The following PTPRT variants were observed in gnomAD, a reference collection of about 807,000 sequenced individuals.
The protein encoded by PTPRT is protein tyrosine phosphatase receptor type T.
In PTPRT, 56 loss-of-function variants were observed where a neutral mutation model predicts 176.8. The observed-to-expected ratio is 0.32, with a 90% CI of 0.26 to 0.40. The LOEUF (loss-of-function observed/expected upper bound fraction) is 0.40. PTPRT is among the 10% of genes least tolerant of loss of function. PTPRT has a pLI of 1.00. For missense variants in PTPRT, 1,540 were observed against 1,908.2 expected, an observed-to-expected ratio of 0.81 and a Z score of 3.60; for synonymous variants, 783 against 739.0, an observed-to-expected ratio of 1.06 and a Z score of -0.96.
chr20:42,750,835 A>C (rs1391962758), intron 6 of PTPRT, among the ~76,000 whole-genome samples: 1 of 152,194 alleles, frequency 6.6e-6, no homozygotes, highest in East Asian at 1.9e-4. Context: ...AAGCAAAGCA[A>C]ATGAATAAGC....
chr20:42,147,178 C>T (rs185399206), intron 17 of PTPRT, among the ~76,000 whole-genome samples: 300 of 152,320 alleles, frequency 2.0e-3, no homozygotes, highest in Non-Finnish European at 3.4e-3. Context: ...TGGCTCTATA[C>T]TTCAGATGTG....
At chr20:42,703,482 A>G (rs1416738066) in intron 6 of PTPRT, among the ~76,000 whole-genome samples, 5 of 152,224 alleles carry the variant, frequency 3.3e-5, no homozygotes, top group Admixed American at 6.5e-5. Context: ...TTGAACCCCA[A>G]CCTAAAAGTG....
chr20:42,902,671 T>G (rs1441247961), intron 1 of PTPRT, among the ~76,000 whole-genome samples: 1 of 152,194 alleles, frequency 6.6e-6, no homozygotes, highest in Non-Finnish European at 1.5e-5. Context: ...TCTTTAGGAT[T>G]CAAGACAAGA....
At chr20:43,120,947 C>G (rs1237908305) in intron 1 of PTPRT, among the ~76,000 whole-genome samples, 1 of 152,146 alleles carries the variant, frequency 6.6e-6, no homozygotes, top group Admixed American at 6.5e-5. Flanking sequence ...TAACTGCCAG[C>G]CAGGTCAAGA....
chr20:42,518,354 T>G (rs2072107573), intron 7 of PTPRT, among the ~76,000 whole-genome samples: 1 of 152,058 alleles, frequency 6.6e-6, no homozygotes, highest in African/African-American at 2.4e-5. Flanking sequence ...TCTTCTCAGA[T>G]AATTTTGTAT....
At chr20:43,043,437 G>C (rs1241498527) in intron 1 of PTPRT, among the ~76,000 whole-genome samples, 1 of 152,178 alleles carries the variant, frequency 6.6e-6, no homozygotes, top group East Asian at 1.9e-4. Flanking sequence ...AGATTTTATT[G>C]TGTGCTAGAT....
intron 9 of PTPRT, among the ~76,000 whole-genome samples, chr20:42,380,696 T>C (rs3921115): frequency 0.54 from 81,418 of 152,050 alleles, 22,096 homozygotes; most frequent in Non-Finnish European, 0.58. Context: ...TGAGCGTGTT[T>C]TTGTTCTCCC....
intron 11 of PTPRT, among the ~76,000 whole-genome samples, chr20:42,334,286 C>T (rs1193995648): frequency 1.3e-5 from 2 of 152,108 alleles, no homozygotes; most frequent in Non-Finnish European, 2.9e-5. Flanking sequence ...AACTAGATGC[C>T]AGTATCACCT....
At chr20:42,367,407 T>C (rs1202141343) in intron 9 of PTPRT, among the ~76,000 whole-genome samples, 1 of 152,220 alleles carries the variant, frequency 6.6e-6, no homozygotes, top group African/African-American at 2.4e-5. Context: ...TAACTATCTC[T>C]TGGGCAGTAT....
chr20:43,140,865 G>A (rs967836615), intron 1 of PTPRT, among the ~76,000 whole-genome samples: 11 of 152,166 alleles, frequency 7.2e-5, no homozygotes, highest in Admixed American at 4.6e-4. Context: ...GCTGTGCTCA[G>A]GATAACATTT....
chr20:43,090,558 G>A lies in PTPRT; in HGVS notation c.88+99088C>T, dbSNP rs190589906. Among the ~76,000 whole-genome samples the A allele has an allele frequency of 4.1e-3, 626 of 152,110 alleles. 4 individuals carry two copies. The highest frequency in any genetic ancestry group is 6.8e-3 in the Middle Eastern group (2 of 294). On this transcript the variant is annotated intron_variant, in intron 1 of 30. Transcript: ENST00000373187. ...GCCGGGATTCCAGTCGTGAGCCACCGCGCCCAGCCACAGGTGACTATTTTT... is the reference window on the plus strand; with the variant it reads ...GCCGGGATTCCAGTCGTGAGCCACCACGCCCAGCCACAGGTGACTATTTTT...
At chr20:42,540,834 A>G (rs530802717) in intron 7 of PTPRT, among the ~76,000 whole-genome samples, 2 of 152,264 alleles carry the variant, frequency 1.3e-5, no homozygotes, top group African/African-American at 2.4e-5. Context: ...TGATCTAGCC[A>G]AAATTAGGAT....
At chr20:42,104,418 AC>A in intron 25 of PTPRT, 150 bp downstream of exon 25, 1 of 896,460 alleles carries the variant, frequency 1.1e-6, no homozygotes, top group Non-Finnish European at 1.6e-6. Context: ...CTCCCCAGAC[AC>A]TGGATTTACT....
intron 1 of PTPRT, among the ~76,000 whole-genome samples, chr20:42,936,950 C>A (rs535106010): frequency 6.6e-6 from 1 of 152,184 alleles, no homozygotes; most frequent in Non-Finnish European, 1.5e-5. Context: ...CTGAAAGCCT[C>A]GGCCCTGCAT....
At chr20:42,783,400 A>C (rs1381177085) in intron 3 of PTPRT, among the ~76,000 whole-genome samples, 1 of 152,190 alleles carries the variant, frequency 6.6e-6, no homozygotes, top group African/African-American at 2.4e-5. Context: ...AAATCATTCA[A>C]ATTAAAAAGT....
chr20:42,958,349 GGC>G (rs1177552684), intron 1 of PTPRT, among the ~76,000 whole-genome samples: 1 of 100,568 alleles, frequency 9.9e-6, no homozygotes, highest in Non-Finnish European at 2.1e-5. Context: ...GGAGAGGAGG[GGC>G]TGGGAAGGGA....
rs140332460 is a variant in PTPRT, at chr20:43,114,080, G to T, written c.88+75566C>A. 6.7e-3 allele frequency among the ~76,000 whole-genome samples: 1,013 copies of T among 152,230 alleles called. 28 individuals are homozygous for T. The highest frequency in any genetic ancestry group is 0.049 in the Admixed American group (757 of 15,298). On this transcript the variant is annotated intron_variant, in intron 1 of 30. Coordinates refer to ENST00000373187, the MANE Select transcript of PTPRT (RefSeq NM_007050.6). Reference sequence around the variant, plus strand: ...ACACAAACTTCACAAAAAATAAAATGTGTTTATTCAGAGGCATTTTTATTC... The same window carrying T: ...ACACAAACTTCACAAAAAATAAAATTTGTTTATTCAGAGGCATTTTTATTC...
chr20:42,128,788 G>C lies in PTPRT; in HGVS notation c.2813C>G (p.Pro938Arg), dbSNP rs763638227. The C allele has an allele frequency of 1.2e-6, 2 of 1,606,470 alleles. No individual in the cohort carries two copies. The highest frequency in any genetic ancestry group is 8.5e-7 in the Non-Finnish European group (1 of 1,175,740). ...RVRLLVLDGDPHSDYINANYI... is the reference protein window; with the variant it reads ...RVRLLVLDGDRHSDYINANYI... Reference sequence around the variant, plus strand: ...GTTGGCATTGATGTAGTCAGAGTGCGGGTCTCCATCCAGCACCAGCAGCCT... The same window carrying C: ...GTTGGCATTGATGTAGTCAGAGTGCCGGTCTCCATCCAGCACCAGCAGCCT... Residue 938 changes from proline (P) to arginine (R), a missense_variant, in exon 19 of 31, where the codon CCG (proline) becomes CGG (arginine). Transcript: ENST00000373187.
At chr20:42,114,283 T>A (rs749932967) in intron 22 of PTPRT, among the ~76,000 whole-genome samples, 1 of 152,214 alleles carries the variant, frequency 6.6e-6, no homozygotes, top group Non-Finnish European at 1.5e-5. Context: ...TTTCTTCATA[T>A]GTAAAATGGG....
Sources: allele counts gnomAD v4.1 joint callset (sites outside exome capture counted in the v4.1 genomes callset), GRCh38; gene constraint gnomAD v4.1.1; transcripts MANE v1.5; gene names NCBI Gene and HGNC (gene_info 2026-07-23, HGNC 2026-07-21).